The following FAM149A variants were observed in gnomAD, a reference collection of about 807,000 sequenced individuals.
The protein encoded by FAM149A is protein FAM149A.
Under a neutral mutation model 78.2 loss-of-function variants are expected in FAM149A, and 71 were observed. That is an observed-to-expected ratio of 0.91 (90% CI 0.75 to 1.11). The LOEUF (loss-of-function observed/expected upper bound fraction) is 1.11, where lower values mean the gene tolerates loss of function less well. FAM149A is among the 50% of genes least tolerant of loss of function. The pLI is 0.00. For missense variants in FAM149A, 1,036 were observed against 971.0 expected (o/e 1.07, Z -0.89); for synonymous variants, 446 against 410.5 (o/e 1.09, Z -1.04).
chr4:186,105,213 C>T lies in FAM149A; in HGVS notation c.137C>T (p.Thr46Ile), dbSNP rs1361035396. 7.9e-7 allele frequency: 1 copy of T among 1,268,792 alleles called. No individual in the cohort carries two copies. The allele number at this position is 1,268,792 out of a possible 1,614,324, so 78.6% of individuals were successfully genotyped here. ...GGGTCGGGGGGCTCCAGGGCGGGCA[C>T]CCCGTTGGGTACCGCCCCGACCCTC... Residue 46 changes from threonine to isoleucine, a missense_variant, in exon 1 of 14, where the codon ACC (threonine) becomes ATC (isoleucine). By Grantham distance (89) the Thr-to-Ile change is moderately conservative. Transcript: ENST00000389354.
At chr4:186,115,218 G>A (rs1163951452) in intron 1 of FAM149A, among the ~76,000 whole-genome samples, 4 of 52,300 alleles carry the variant, frequency 7.6e-5, no homozygotes. Flanking sequence ...TCTTCACGTA[G>A]TTCTCGAGCC....
chr4:186,119,967 A>G (rs2099315275), intron 1 of FAM149A, among the ~76,000 whole-genome samples: 1 of 152,228 alleles, frequency 6.6e-6, no homozygotes, highest in Admixed American at 6.5e-5. Context: ...AAGGAACTAC[A>G]GTTTGAATAT....
At chr4:186,152,129 G>T in intron 4 of FAM149A, 84 bp downstream of exon 4, 1 of 1,365,992 alleles carries the variant, frequency 7.3e-7, no homozygotes, top group South Asian at 1.2e-5. Context: ...CAGTACATTT[G>T]GTGTGAAAGT....
Position 186,164,872 on chromosome 4 carries a change from C to T in FAM149A, c.1890-472C>T, listed in dbSNP as rs370721846. On this transcript the variant is annotated intron_variant, in intron 10 of 13. Coordinates refer to ENST00000389354, the MANE Select transcript of FAM149A (RefSeq NM_001367768.3). The surrounding 1 kb of genome is among the most constrained non-coding windows in gnomAD (Gnocchi z 4.0). ...TATTGCCACCCTGAGGAGCCCTTTT[C>T]GACCATTCTTCCCAATTGCTCTCCC... Among the ~76,000 whole-genome samples the T allele has an allele frequency of 2.0e-5, 3 of 152,158 alleles. No individual in the cohort carries two copies. The highest frequency in any genetic ancestry group is 1.9e-4 in the East Asian group (1 of 5,188).
intron 1 of FAM149A, chr4:186,125,572 C>CA (rs1473167958): frequency 1.5e-5 from 7 of 459,684 alleles, no homozygotes; most frequent in African/African-American, 1.5e-4. Context: ...ATAGGTTTCT[C>CA]ACGAGAATTT....
chr4:186,134,544 A>C (rs2099321982), intron 1 of FAM149A, among the ~76,000 whole-genome samples: 2 of 152,160 alleles, frequency 1.3e-5, no homozygotes, highest in African/African-American at 4.8e-5. Flanking sequence ...AGTAAAGAGG[A>C]ACCTCTGTGC....
intron 1 of FAM149A, among the ~76,000 whole-genome samples, chr4:186,136,976 T>TTTCTCTC (rs2099323315): frequency 1.4e-5 from 1 of 72,120 alleles, no homozygotes; most frequent in Non-Finnish European, 2.6e-5. Flanking sequence ...CTCTCTCTCT[T>TTTCTCTC]TCTCTCTCTC....
intron 1 of FAM149A, among the ~76,000 whole-genome samples, chr4:186,111,884 T>G (rs2099311442): frequency 6.6e-6 from 1 of 151,882 alleles, no homozygotes; most frequent in South Asian, 2.1e-4. Context: ...TGTGGGCTCT[T>G]TTTTGCTTCC....
Position 186,144,922 on chromosome 4 carries a change from G to A in FAM149A, c.567-4251G>A. 2 of 915,986 alleles carry A rather than the reference G, an allele frequency of 2.2e-6. No homozygotes were observed. Among genetic ancestry groups the A allele is most frequent in the Non-Finnish European group, 2.5e-6 (2 of 795,186 alleles). The allele number at this position is 915,986 out of a possible 1,614,324, so 56.7% of individuals were successfully genotyped here. A position where few individuals can be genotyped will look rare whatever the true frequency, so the allele number is the denominator to read the frequency against. On this transcript the variant is annotated intron_variant, in intron 1 of 13. Transcript: ENST00000389354. This position sits in a 1 kb window ranked among gnomAD's most constrained non-coding sequence, Gnocchi z 4.2. ...GGGCCGCCTGAGCTGGGCCAGCCGC[G>A]CGGCGGGCGCGGGCGCGGGCGCGGG...
intron 7 of FAM149A, among the ~76,000 whole-genome samples, chr4:186,157,234 C>T (rs1734105792): frequency 6.6e-6 from 1 of 152,130 alleles, no homozygotes; most frequent in Admixed American, 6.5e-5. Flanking sequence ...CATTAATGAC[C>T]AGTTTTATTA....
At chr4:186,105,912 C>G (rs999755582) in intron 1 of FAM149A, among the ~76,000 whole-genome samples, 2 of 152,178 alleles carry the variant, frequency 1.3e-5, no homozygotes, top group Admixed American at 6.5e-5. Flanking sequence ...TGTTTCTCTT[C>G]TACCAGAAGC....
intron 1 of FAM149A, among the ~76,000 whole-genome samples, chr4:186,143,502 G>A (rs1307129916): frequency 6.6e-6 from 1 of 152,038 alleles, no homozygotes; most frequent in African/African-American, 2.4e-5. Flanking sequence ...TTATAAAAGT[G>A]GGGAGGATTC....
Position 186,154,462 on chromosome 4 carries a change from C to G in FAM149A, c.1059-6C>G, listed in dbSNP as rs756089904. On this transcript the variant is annotated splice_polypyrimidine_tract_variant and splice_region_variant and intron_variant, in intron 5 of 13. Transcript: ENST00000389354. ...CTCCCATGTAGAATCTGTTTTTTTC[C>G]CATAGGTTGTGCATTTCTGGCTCTC... 61 of 1,602,418 alleles carry G rather than the reference C, an allele frequency of 3.8e-5. No individual in the cohort carries two copies. Among genetic ancestry groups the G allele is most frequent in the Non-Finnish European group, 5.1e-5 (60 of 1,174,332 alleles).
At chr4:186,109,688 A>G (rs2099310390) in intron 1 of FAM149A, 3 of 982,882 alleles carry the variant, frequency 3.1e-6, no homozygotes, top group Non-Finnish European at 3.6e-6. Context: ...TATGATTACT[A>G]CCTGCTTCTT....
intron 1 of FAM149A, among the ~76,000 whole-genome samples, chr4:186,138,138 T>G (rs369594122): frequency 1.4e-3 from 210 of 152,328 alleles, no homozygotes; most frequent in Middle Eastern, 3.4e-3. Flanking sequence ...AATGAACCAG[T>G]ATCAATCCGT....
At chr4:186,130,638 C>G (rs942962967) in intron 1 of FAM149A, among the ~76,000 whole-genome samples, 22 of 151,930 alleles carry the variant, frequency 1.4e-4, no homozygotes, top group Non-Finnish European at 3.2e-4. Context: ...GGACTACAGG[C>G]ATGAGCCACC....
intron 13 of FAM149A, 33 bp downstream of exon 13, chr4:186,167,295 G>GT (rs1157447485): frequency 6.4e-7 from 1 of 1,550,916 alleles, no homozygotes; most frequent in East Asian, 2.2e-5. Flanking sequence ...ATAAAGTGAT[G>GT]TAGTAAGTGA....
At chr4:186,141,072 G>A (rs2099325583) in intron 1 of FAM149A, among the ~76,000 whole-genome samples, 1 of 152,188 alleles carries the variant, frequency 6.6e-6, no homozygotes, top group African/African-American at 2.4e-5. Flanking sequence ...TTGTGGCTTT[G>A]ATTTGCATTT....
rs1263318711 is a variant in FAM149A, at chr4:186,136,944, C to CTCTCTCTCTCTCTCTT, written c.567-12214_567-12213insTTCTCTCTCTCTCTCT. 9.7e-4 allele frequency among the ~76,000 whole-genome samples: 111 copies of CTCTCTCTCTCTCTCTT among 114,922 alleles called. 3 individuals carry two copies. The highest frequency in any genetic ancestry group is 3.8e-3 in the African/African-American group (98 of 25,812). 75.4% of individuals were successfully genotyped at this position (114,922 alleles called of 152,430 possible). On this transcript the variant is annotated intron_variant, in intron 1 of 13. Transcript: ENST00000389354. ...CTCAAATACACTGATTGATCTCTCT[C>CTCTCTCTCTCTCTCTT]TCTCTCTCTCTCTCTCTCTTTCTCT...
Sources: gnomAD v4.1 joint callset for allele counts (sites outside exome capture counted in the v4.1 genomes callset) on GRCh38, gnomAD v4.1.1 for gene constraint, Gnocchi (gnomAD v3.1) non-coding constraint, MANE v1.5 for transcripts, NCBI Gene and HGNC (gene_info 2026-07-23, HGNC 2026-07-21) for gene names.